The following TTC6 variants were observed in gnomAD, a reference collection of about 807,000 sequenced individuals.
TTC6 encodes the protein tetratricopeptide repeat protein 6.
A neutral mutation model predicts 210.4 loss-of-function variants in TTC6; 172 were observed. That is an observed-to-expected ratio of 0.82 (90% CI 0.72 to 0.93). The LOEUF (loss-of-function observed/expected upper bound fraction) is 0.93, where lower values mean the gene tolerates loss of function less well. TTC6 is among the 40% of genes least tolerant of loss of function. The probability of loss-of-function intolerance (pLI) is 0.00; values close to 1 mark genes in which losing one functional copy is unlikely to be tolerated. For synonymous variants in TTC6, 804 were observed against 819.6 expected (o/e 0.98, Z 0.32); for missense variants, 2,414 against 2,318.1 (o/e 1.04, Z -0.85).
rs1323805397 is a variant in TTC6, at chr14:37,831,843, G to A, written c.5298+4477G>A. 2.0e-5 allele frequency among the ~76,000 whole-genome samples: 3 copies of A among 151,960 alleles called. No homozygotes were observed. In the East Asian group the frequency reaches 5.8e-4, roughly 29 times the overall value. On this transcript the variant is annotated intron_variant, in intron 29 of 30. Transcript: ENST00000553443. ...TATTCTGGTTATTAATTCCTCATTG[G>A]ATGAATAATTTGCAAATACTTTATC... is the stretch of plus-strand genomic sequence containing the variant.
At chr14:37,724,790 G>A (rs2095868430) in intron 6 of TTC6, 108 bp from the exon 9 acceptor site, 1 of 594,020 alleles carries the variant, frequency 1.7e-6, no homozygotes, top group Non-Finnish European at 2.7e-6. Context: ...CAGAAGCTGT[G>A]GAACCAAAAA....
chr14:37,610,020 T>C (rs2095631736), intron 2 of TTC6, among the ~76,000 whole-genome samples: 1 of 152,134 alleles, frequency 6.6e-6, no homozygotes, highest in Non-Finnish European at 1.5e-5. Flanking sequence ...CACATTGTAT[T>C]AGGGAGTGAA....
chr14:37,632,229 G>GT (rs2095671292), intron 1 of TTC6, among the ~76,000 whole-genome samples: 1 of 152,136 alleles, frequency 6.6e-6, no homozygotes, highest in Non-Finnish European at 1.5e-5. Context: ...TTTTTGCAGT[G>GT]TTTTTTCCTC....
At chr14:37,826,482 C>A in intron 28 of TTC6, 135 bp downstream of exon 30, 2 of 825,600 alleles carry the variant, frequency 2.4e-6, no homozygotes, top group Non-Finnish European at 3.4e-6. Flanking sequence ...TTTTTTAACC[C>A]AAGTGATCCC....
intron 1 of TTC6, among the ~76,000 whole-genome samples, chr14:37,656,514 CGTGTGTGT>C (rs35073797): frequency 2.6e-4 from 38 of 147,916 alleles, no homozygotes; most frequent in South Asian, 4.3e-4. Flanking sequence ...TGTGTGTGTG[CGTGTGTGT>C]GTGTGTGTGT....
intron 25 of TTC6, among the ~76,000 whole-genome samples, chr14:37,813,268 C>A (rs1352748531): frequency 6.6e-6 from 1 of 151,902 alleles, no homozygotes; most frequent in Non-Finnish European, 1.5e-5. Context: ...AAATGTAATC[C>A]CAATGTTTGA....
chr14:37,663,791 C>T (rs1040280831), intron 1 of TTC6, among the ~76,000 whole-genome samples: 3 of 152,086 alleles, frequency 2.0e-5, no homozygotes, highest in South Asian at 2.1e-4. Context: ...CATTGATAAG[C>T]AACTTCAGCA....
At chr14:37,817,859 A>AAT (rs1464399590) in intron 26 of TTC6, among the ~76,000 whole-genome samples, 1 of 152,190 alleles carries the variant, frequency 6.6e-6, no homozygotes, top group African/African-American at 2.4e-5. Context: ...TCTGCCTTCT[A>AAT]ATAGACTGTT....
chr14:37,808,862 T>G lies in TTC6; in HGVS notation c.4569+16T>G. 1 of 1,272,738 alleles carries G rather than the reference T, an allele frequency of 7.9e-7. No homozygotes were observed. The highest frequency in any genetic ancestry group is 1.3e-5 in the South Asian group (1 of 77,168). 78.8% of individuals were successfully genotyped at this position (1,272,738 alleles called of 1,614,324 possible). A position where few individuals can be genotyped will look rare whatever the true frequency, so the allele number is the denominator to read the frequency against. On this transcript the variant is annotated intron_variant, in intron 24 of 30. Transcript: ENST00000553443. ...ACTTCAAATGGTAAGATGACCATTT[T>G]AGTAAACAATGTGTTTAAAGTGTTT...
chr14:37,775,021 A>G (rs113210026), intron 14 of TTC6, among the ~76,000 whole-genome samples: 6,349 of 152,078 alleles, frequency 0.042, 397 homozygotes, highest in Admixed American at 0.17. Flanking sequence ...GCTTGTGTGC[A>G]TAGTGTTCAT....
intron 14 of TTC6, among the ~76,000 whole-genome samples, chr14:37,767,293 A>G (rs1471919070): frequency 6.6e-6 from 1 of 152,202 alleles, no homozygotes; most frequent in African/African-American, 2.4e-5. Context: ...AGCATGATTT[A>G]TAGTCCTTTG....
chr14:37,726,545 G>T (rs1417148551), intron 7 of TTC6, among the ~76,000 whole-genome samples: 1 of 152,000 alleles, frequency 6.6e-6, no homozygotes, highest in East Asian at 1.9e-4. Context: ...ATATACTCAT[G>T]GGTGAAATAT....
chr14:37,708,530 G>A (rs1233317308), intron 5 of TTC6, among the ~76,000 whole-genome samples: 1 of 151,946 alleles, frequency 6.6e-6, no homozygotes, highest in Non-Finnish European at 1.5e-5. Flanking sequence ...TTTAAATGTG[G>A]CTTTTATTAT....
chr14:37,611,199 G>C (rs34030694), intron 2 of TTC6: 8,730 of 152,506 alleles, frequency 0.057, 381 homozygotes, highest in Non-Finnish European at 0.089. Context: ...GGCGGGGGAG[G>C]GCGCGCGGCT....
intron 14 of TTC6, among the ~76,000 whole-genome samples, chr14:37,754,180 C>T (rs2095960738): frequency 6.6e-6 from 1 of 152,006 alleles, no homozygotes; most frequent in Non-Finnish European, 1.5e-5. Context: ...ATCAACCTGT[C>T]ATCTAGGTTT....
intron 3 of TTC6, among the ~76,000 whole-genome samples, chr14:37,692,208 C>CAAAAAAAAAAAAAAAAAAAAAAAAAAGAA (rs3062759): frequency 2.5e-5 from 1 of 40,154 alleles, no homozygotes; most frequent in Non-Finnish European, 3.9e-5. Flanking sequence ...AAAGACACAC[C>CAAAAAAAAAAAAAAAAAAAAAAAAAAGAA]AAAAAAAAAA....
chr14:37,841,538 T>C, exon 30 of TTC6: 3 of 1,604,274 alleles, frequency 1.9e-6, no homozygotes, highest in Non-Finnish European at 2.5e-6. Context: ...ATTAAAGAAA[T>C]ATGAAGAAGC....
chr14:37,642,778 T>G (rs1488022144), intron 1 of TTC6, among the ~76,000 whole-genome samples: 1 of 152,178 alleles, frequency 6.6e-6, no homozygotes, highest in Non-Finnish European at 1.5e-5. Flanking sequence ...ACCTAGACTG[T>G]GTGGTATAGC....
chr14:37,611,706 T>G (rs1161991381), intron 2 of TTC6, among the ~76,000 whole-genome samples: 1 of 151,862 alleles, frequency 6.6e-6, no homozygotes, highest in African/African-American at 2.4e-5. Context: ...CTTCGGGAGG[T>G]GAAAGGTCAC....
Sources: allele counts gnomAD v4.1 joint callset (sites outside exome capture counted in the v4.1 genomes callset), GRCh38; gene constraint gnomAD v4.1.1; transcripts MANE v1.5; gene names NCBI Gene and HGNC (gene_info 2026-07-23, HGNC 2026-07-21).